The following DST variants were observed in gnomAD, a reference collection of about 807,000 sequenced individuals.
The protein encoded by DST is bullous pemphigoid antigen.
DST carries 253 observed loss-of-function variants against 875.2 expected under a neutral mutation model. That is an observed-to-expected ratio of 0.29 (90% CI 0.26 to 0.32). The LOEUF is 0.32. DST is among the 10% of genes least tolerant of loss of function. The pLI is 1.00. For missense variants in DST, 8,287 were observed against 9,111.6 expected (o/e 0.91, Z 3.68); for synonymous variants, 3,124 against 3,197.1 (o/e 0.98, Z 0.77).
At position 56,598,232 on chromosome 6, in the gene DST, G is replaced by A. The variant is rs2098410542; in HGVS notation, c.11929-226C>T. On this transcript the variant is annotated intron_variant, in intron 46 of 103. Coordinates refer to ENST00000680361, the MANE Select transcript of DST (RefSeq NM_001374736.1). ...TTCCAAAATTTTAACTATAATTGAT[G>A]AGTGATCACACATTTCACAAGAAGA... Among the ~76,000 whole-genome samples the A allele has an allele frequency of 2.0e-5, 3 of 152,136 alleles. No individual in the cohort carries two copies. The South Asian group carries it at 6.2e-4, about 32-fold the overall frequency.
intron 2 of DST, among the ~76,000 whole-genome samples, chr6:56,911,126 A>G (rs1798670018): frequency 6.6e-6 from 1 of 152,124 alleles, no homozygotes; most frequent in Non-Finnish European, 1.5e-5. Flanking sequence ...TGTCTATCAG[A>G]GTTTTTGCTT....
At chr6:56,804,769 C>CA (rs1162249875) in intron 4 of DST, among the ~76,000 whole-genome samples, 1 of 152,222 alleles carries the variant, frequency 6.6e-6, no homozygotes, top group Admixed American at 6.5e-5. Context: ...CATACAAGAA[C>CA]ACTTCTCGCC....
intron 4 of DST, among the ~76,000 whole-genome samples, chr6:56,766,334 A>G (rs1246626132): frequency 6.6e-6 from 1 of 152,178 alleles, no homozygotes; most frequent in African/African-American, 2.4e-5. Flanking sequence ...TCTTTCAACA[A>G]GTAGTTTCTG....
At position 56,608,629 on chromosome 6, in the gene DST, T is replaced by A. The variant is rs1298304098; in HGVS notation, c.5999A>T (p.Asn2000Ile). Residue 2000 changes from asparagine to isoleucine, a missense_variant, in exon 40 of 104, where the codon AAC becomes ATC. Asn to Ile is a moderately radical substitution (Grantham distance 149). Coordinates refer to ENST00000680361, the MANE Select transcript of DST (RefSeq NM_001374736.1). ...TTCAACAGTCATTCTTTGGCCAGAG[T>A]TGGAATTGATCAGACCTCCAGAAAG... ...QLLSGGLINS[N>I]SGQRMTVEEA... is the part of the protein sequence containing the mutation. 2.2e-5 allele frequency: 36 copies of A among 1,613,252 alleles called. No homozygotes were observed. The highest frequency in any genetic ancestry group is 3.1e-5 in the Non-Finnish European group (36 of 1,179,592).
chr6:56,636,348 G>GTA (rs200544768), intron 23 of DST, among the ~76,000 whole-genome samples: 42 of 148,816 alleles, frequency 2.8e-4, no homozygotes, highest in Non-Finnish European at 4.9e-4. Flanking sequence ...ATATGTATGT[G>GTA]TATATATATG....
At chr6:56,594,233 CGG>C in intron 47 of DST, 40 bp from the exon 48 acceptor site, 2 of 1,483,960 alleles carry the variant, frequency 1.3e-6, no homozygotes, top group South Asian at 2.8e-5. Context: ...CAAGCAGTAA[CGG>C]GGTAACACCT....
chr6:56,591,248 G>A (rs1454922650), intron 49 of DST, among the ~76,000 whole-genome samples: 4 of 152,206 alleles, frequency 2.6e-5, no homozygotes, highest in Non-Finnish European at 5.9e-5. Context: ...GAATCGCACT[G>A]TTATGCAGTT....
At chr6:56,636,698 G>A (rs2098829136) in intron 22 of DST, 46 bp from the exon 23 acceptor site, 1 of 1,435,058 alleles carries the variant, frequency 7.0e-7, no homozygotes, top group Non-Finnish European at 9.8e-7. Context: ...GGAGAAATAA[G>A]GCACACATAC....
chr6:56,601,705 T>C (rs1053714497), intron 43 of DST, 29 bp from the exon 44 acceptor site: 3 of 1,335,186 alleles, frequency 2.2e-6, no homozygotes, highest in Admixed American at 2.3e-5. Flanking sequence ...AAGCTATCAG[T>C]AGAAAGTTAA....
chr6:56,702,248 C>T (rs562827697), intron 7 of DST, among the ~76,000 whole-genome samples: 1 of 151,984 alleles, frequency 6.6e-6, no homozygotes, highest in Non-Finnish European at 1.5e-5. Flanking sequence ...TATACAGACA[C>T]TTAATATTTG....
At chr6:56,871,774 AG>A in intron 3 of DST, 29 of 345,464 alleles carry the variant, frequency 8.4e-5, no homozygotes, top group East Asian at 2.0e-4. Flanking sequence ...TACAATTAAA[AG>A]TAAAAAAAAA....
intron 4 of DST, among the ~76,000 whole-genome samples, chr6:56,787,611 G>T (rs1057091699): frequency 3.3e-5 from 5 of 152,086 alleles, no homozygotes; most frequent in Non-Finnish European, 7.4e-5. Context: ...CTATCCTTTA[G>T]AATTAATATC....
intron 2 of DST, among the ~76,000 whole-genome samples, chr6:56,938,108 C>CTCTCTATATATATA (rs1383243392): frequency 8.6e-4 from 104 of 120,740 alleles, no homozygotes; most frequent in Middle Eastern, 4.0e-3. Flanking sequence ...CTCTCTCTCT[C>CTCTCTATATATATA]TATATATATA....
intron 70 of DST, 46 bp from the exon 71 acceptor site, chr6:56,517,351 A>G (rs1465502765): frequency 6.3e-7 from 1 of 1,586,970 alleles, no homozygotes; most frequent in Non-Finnish European, 8.6e-7. Flanking sequence ...AAGAAATTGT[A>G]TGACTAAAAT....
chr6:56,916,101 C>T (rs1800800714), intron 2 of DST, among the ~76,000 whole-genome samples: 1 of 152,130 alleles, frequency 6.6e-6, no homozygotes, highest in Non-Finnish European at 1.5e-5. Context: ...GAGGAAGTAA[C>T]AAGACAAGTC....
intron 2 of DST, among the ~76,000 whole-genome samples, chr6:56,932,192 A>C (rs1384894595): frequency 6.6e-6 from 1 of 152,126 alleles, no homozygotes; most frequent in Non-Finnish European, 1.5e-5. Context: ...GTGGTAGTAA[A>C]TAAGCTTCAG....
In DST at chr6:56,553,345, T is replaced by C; in HGVS notation, c.15447A>G (p.Thr5149=). ...CTCTTTCTTTCACCTGCTTATTAAA[T>C]GTATCCCAATTGGTTTTAATTGTAT... ...QLNTIKTNWD[T]FNKQVKEREN... Residue 5149 remains threonine (T), a synonymous_variant, in exon 61 of 104, where the codon ACA becomes ACG. Transcript: ENST00000680361. 1.2e-6 allele frequency: 2 copies of C among 1,611,220 alleles called. No homozygotes were observed. Among genetic ancestry groups the C allele is most frequent in the East Asian group, 2.2e-5 (1 of 44,864 alleles).
In DST at chr6:56,593,984, T is replaced by A; in HGVS notation, c.12405A>T (p.Glu4135Asp). Reference protein sequence around the residue: ...KMKLTHSLQEELEKFDADYTE... With the variant: ...KMKLTHSLQEDLEKFDADYTE... ...TATAGTCAGCATCAAACTTTTCTAA[T>A]TCTTCCTGCAGAGAGTGAGTTAACT... Residue 4135 changes from glutamate to aspartate, a missense_variant, in exon 48 of 104, where the codon GAA becomes GAT. Physicochemically the swap from Glu to Asp is conservative, Grantham distance 45. Around this residue, in one of 10 missense-constraint regions of DST, gnomAD observed 1,513 missense variants for 1,677.8 expected, o/e 0.90. Coordinates refer to ENST00000680361, the MANE Select transcript of DST (RefSeq NM_001374736.1). 1 of 1,613,964 alleles carries A rather than the reference T, an allele frequency of 6.2e-7. No individual in the cohort carries two copies. The highest frequency in any genetic ancestry group is 8.5e-7 in the Non-Finnish European group (1 of 1,179,872).
intron 37 of DST, among the ~76,000 whole-genome samples, chr6:56,613,293 A>C (rs1563190661): frequency 6.6e-6 from 1 of 152,180 alleles, no homozygotes; most frequent in African/African-American, 2.4e-5. Context: ...ATAGTATGTA[A>C]GACTATGACT....
Sources: gnomAD v4.1 joint callset for allele counts (sites outside exome capture counted in the v4.1 genomes callset) on GRCh38, gnomAD v4.1.1 for gene constraint, gnomAD v4.1.1 regional missense constraint, MANE v1.5 for transcripts, NCBI Gene and HGNC (gene_info 2026-07-23, HGNC 2026-07-21) for gene names.